The following SNAPC2 variants were observed in gnomAD, a reference collection of about 807,000 sequenced individuals.
SNAPC2 encodes the protein small nuclear RNA activating complex polypeptide 2, also known as snRNA-activating protein complex subunit 2.
In SNAPC2, 27 loss-of-function variants were observed where a neutral mutation model predicts 22.9. The ratio of observed to expected loss-of-function variants is 1.18; its 90% CI spans 0.87 to 1.63. The LOEUF (loss-of-function observed/expected upper bound fraction) is 1.63, where lower values mean the gene tolerates loss of function less well. Ranked by LOEUF, SNAPC2 falls within the 40% of genes most tolerant of loss-of-function variation. SNAPC2 has a pLI of 0.00. For synonymous variants in SNAPC2, 272 were observed against 201.0 expected, an observed-to-expected ratio of 1.35 and a Z score of -2.99; for missense variants, 570 against 449.1, an observed-to-expected ratio of 1.27 and a Z score of -2.43.
chr19:7,920,409 C>A lies in SNAPC2; in HGVS notation c.43C>A (p.Leu15Met). The A allele has an allele frequency of 6.3e-7, 1 of 1,582,984 alleles. No homozygotes were observed. Among genetic ancestry groups the A allele is most frequent in the African/African-American group, 1.4e-5 (1 of 72,326 alleles). The change falls in exon 1 of 5, where the codon CTG (leucine) becomes ATG (methionine). Residue 15 changes from leucine (L) to methionine (M), a missense_variant. By Grantham distance (15) the Leu-to-Met change is conservative. Transcript: ENST00000221573. ...GCGGCGAGCGGCCCCGGCGCGCTAT[C>A]TGGGCGAGGTGACCGGTCCCGCGAC... is the stretch of plus-strand genomic sequence containing the variant. Reference protein sequence around the residue: ...PRRRAAPARYLGEVTGPATWS... With the variant: ...PRRRAAPARYMGEVTGPATWS...
intron 3 of SNAPC2, 71 bp from the exon 4 acceptor site, chr19:7,921,964 G>C: frequency 1.4e-5 from 21 of 1,509,834 alleles, no homozygotes; most frequent in Non-Finnish European, 1.8e-5. Flanking sequence ...GTGGCAGGGA[G>C]GATGGGGGAA....
rs1475509488 is a variant in SNAPC2, at chr19:7,922,643, C to T, written c.884C>T (p.Ala295Val). The change falls in exon 5 of 5, where the codon GCC becomes GTC. Residue 295 changes from alanine to valine, a missense_variant. By Grantham distance (64) the Ala-to-Val change is moderately conservative. Transcript: ENST00000221573. ...GSKAPEETPP[A>V]TEKAEHSELK... Reference sequence around the variant, plus strand: ...AAGGCACCAGAGGAGACCCCCCCAGCCACCGAGAAGGCCGAGCACAGCGAA... The same window carrying T: ...AAGGCACCAGAGGAGACCCCCCCAGTCACCGAGAAGGCCGAGCACAGCGAA... 1 of 1,613,660 alleles carries T rather than the reference C, an allele frequency of 6.2e-7. No individual in the cohort carries two copies. Among genetic ancestry groups the T allele is most frequent in the Non-Finnish European group, 8.5e-7 (1 of 1,179,944 alleles).
rs752065654 is a variant in SNAPC2, at chr19:7,922,280, T to G, written c.618T>G (p.Phe206Leu). The G allele has an allele frequency of 1.2e-6, 2 of 1,613,960 alleles. No individual in the cohort carries two copies. Among genetic ancestry groups the G allele is most frequent in the Non-Finnish European group, 1.7e-6 (2 of 1,180,000 alleles). ...PSTEEDFAVD[F>L]EKIYKYLSSV... ...CTGAAGAAGACTTTGCTGTGGACTT[T>G]GAGAAGATCTACAAGTACTTGTCCT... The change falls in exon 4 of 5, where the codon TTT becomes TTG. Residue 206 changes from phenylalanine (F) to leucine (L), a missense_variant. Coordinates refer to ENST00000221573, the MANE Select transcript of SNAPC2 (RefSeq NM_003083.4).
At chr19:7,921,191 C>T (rs1041367697) in intron 1 of SNAPC2, 1 of 1,423,446 alleles carries the variant, frequency 7.0e-7, no homozygotes, top group Admixed American at 2.9e-5. Flanking sequence ...GGGTTGGGCC[C>T]TGGCTGCGTG....
At chr19:7,920,980 G>A in intron 1 of SNAPC2, 1 of 1,129,834 alleles carries the variant, frequency 8.9e-7, no homozygotes, top group South Asian at 2.4e-5. Flanking sequence ...CGGGATGAGG[G>A]CAAGCTTTAA....
chr19:7,921,519 G>C lies in SNAPC2; in HGVS notation c.280G>C (p.Ala94Pro). 6.2e-7 allele frequency: 1 copy of C among 1,613,356 alleles called. No individual in the cohort carries two copies. The highest frequency in any genetic ancestry group is 8.5e-7 in the Non-Finnish European group (1 of 1,179,670). Reference sequence around the variant, plus strand: ...CCTTCAGGGACCAAGGCGCCGGGAGGCACAGCCCCCAGCCCCCATAGAGGT... The same window carrying C: ...CCTTCAGGGACCAAGGCGCCGGGAGCCACAGCCCCCAGCCCCCATAGAGGT... ...GGLQGPRRRE[A>P]QPPAPIEVWT... The change falls in exon 2 of 5, where the codon GCA becomes CCA. Residue 94 changes from alanine (A) to proline (P), a missense_variant. Physicochemically the swap from Ala to Pro is conservative, Grantham distance 27. Coordinates refer to ENST00000221573, the MANE Select transcript of SNAPC2 (RefSeq NM_003083.4).
chr19:7,922,871 G>A lies in SNAPC2; in HGVS notation c.*107G>A, dbSNP rs1335724853. On this transcript the variant is annotated 3_prime_UTR_variant, in exon 5 of 5. Transcript: ENST00000221573. ...GATCCCGTCATGGGGGAAGGTCCTTGAGATGATGCTCAGCTGTGGGGCGGG... is the reference window on the plus strand; with the variant it reads ...GATCCCGTCATGGGGGAAGGTCCTTAAGATGATGCTCAGCTGTGGGGCGGG... 4.5e-6 allele frequency: 4 copies of A among 893,120 alleles called. No homozygotes were observed. The African/African-American group carries it at 6.7e-5, about 15-fold the overall frequency. 55.3% of individuals were successfully genotyped at this position (893,120 alleles called of 1,614,324 possible). A position where few individuals can be genotyped will look rare whatever the true frequency, so the allele number is the denominator to read the frequency against.
chr19:7,921,571 C>A, intron 2 of SNAPC2, 29 bp downstream of exon 2: 1 of 1,605,930 alleles, frequency 6.2e-7, no homozygotes, highest in Non-Finnish European at 8.5e-7. Context: ...GTGAGGCTGT[C>A]CAGGGCAGGT....
rs756394094 is a variant in SNAPC2, at chr19:7,922,097, G to A, written c.435G>A (p.Thr145=). ...TGCACTCCAAGCCCCCCAAGCCCAC[G>A]CAGGCCCGTGGAAAGCCTTTGCTCC... ...TLLHSKPPKP[T]QARGKPLLLS... Residue 145 remains threonine, a synonymous_variant, in exon 4 of 5, where the codon ACG becomes ACA. Transcript: ENST00000221573. 2 of 1,613,762 alleles carry A rather than the reference G, an allele frequency of 1.2e-6. No homozygotes were observed. Among genetic ancestry groups the A allele is most frequent in the Non-Finnish European group, 1.7e-6 (2 of 1,179,904 alleles).
In SNAPC2 at chr19:7,922,535, C is replaced by T. The variant is rs748125153; in HGVS notation, c.776C>T (p.Thr259Met). Residue 259 changes from threonine (T) to methionine (M), a missense_variant, in exon 5 of 5, where the codon ACG (threonine) becomes ATG (methionine). By Grantham distance (81) the Thr-to-Met change is moderately conservative. Transcript: ENST00000221573. ...GCCCTGGTTGAGCATATGACGGAGA[C>T]GTACCTACGCCTGACAGCCCCCCAG... ...CTALVEHMTE[T>M]YLRLTAPQPI... 17 of 1,612,808 alleles carry T rather than the reference C, an allele frequency of 1.1e-5. No individual in the cohort carries two copies. In the Middle Eastern group the frequency reaches 6.6e-4, roughly 62 times the overall value.
rs201163769 is a variant in SNAPC2 at position 7,922,606 on chromosome 19, G to T, written c.847G>T (p.Gly283Trp). The T allele has an allele frequency of 6.2e-7, 1 of 1,613,662 alleles. No homozygotes were observed. The highest frequency in any genetic ancestry group is 2.2e-5 in the East Asian group (1 of 44,866). ...GSLGPAAEGD[G>W]AGSKAPEETP... ...CCTGGGGCCTGCAGCAGAAGGGGAT[G>T]GGGCTGGCTCCAAGGCACCAGAGGA... is the stretch of plus-strand genomic sequence containing the variant. Residue 283 changes from glycine to tryptophan, a missense_variant, in exon 5 of 5, where the codon GGG becomes TGG. Physicochemically the swap from Gly to Trp is radical, Grantham distance 184. Coordinates refer to ENST00000221573, the MANE Select transcript of SNAPC2 (RefSeq NM_003083.4).
At chr19:7,921,267 A>T in intron 1 of SNAPC2, 156 bp from the exon 2 acceptor site, 1 of 1,433,608 alleles carries the variant, frequency 7.0e-7, no homozygotes, top group Non-Finnish European at 9.4e-7. Context: ...TGGGTGGGGT[A>T]GGGGCCTTGG....
At position 7,923,096 on chromosome 19, in the gene SNAPC2, G is replaced by C. The variant is rs1046094111; in HGVS notation, c.*332G>C. ...ATAGCTGGCACTGCCCACCGTAAAG[G>C]CCCTCGCACATTTTCCCCCTTCCTG... On this transcript the variant is annotated 3_prime_UTR_variant, in exon 5 of 5. Coordinates refer to ENST00000221573, the MANE Select transcript of SNAPC2 (RefSeq NM_003083.4). The C allele has an allele frequency of 9.7e-6, 3 of 308,810 alleles. No individual in the cohort carries two copies. Among genetic ancestry groups the C allele is most frequent in the Non-Finnish European group, 1.2e-5 (2 of 167,790 alleles). The allele number at this position is 308,810 out of a possible 1,614,324, so 19.1% of individuals were successfully genotyped here.
chr19:7,922,148 C>T lies in SNAPC2; in HGVS notation c.486C>T (p.Asp162=). ...TGAGCGCCCCTGGAGGACAGGAAGA[C>T]CCCGCCCCTGAAATACCTAGCTCTG... The part of the protein sequence containing the change: ...LLLSAPGGQE[D]PAPEIPSSAP... Residue 162 remains aspartate, a synonymous_variant, in exon 4 of 5, where the codon GAC becomes GAT. Transcript: ENST00000221573. The T allele has an allele frequency of 1.9e-6, 3 of 1,614,064 alleles. No homozygotes were observed. The highest frequency in any genetic ancestry group is 2.5e-6 in the Non-Finnish European group (3 of 1,180,004).
chr19:7,922,040 C>T lies in SNAPC2; in HGVS notation c.378C>T (p.Leu126=), dbSNP rs748410916. 5.0e-6 allele frequency: 8 copies of T among 1,606,472 alleles called. No individual in the cohort carries two copies. The highest frequency in any genetic ancestry group is 1.7e-5 in the Admixed American group (1 of 59,484). Residue 126 remains leucine, a synonymous_variant, in exon 4 of 5, where the codon CTC becomes CTT. Coordinates refer to ENST00000221573, the MANE Select transcript of SNAPC2 (RefSeq NM_003083.4). ...CTGATTGTTCTGCCTGCCAGGTGCT[C>T]ACCATCGCGGCCACGGAACCGGTCA... ...EALAVAFSQV[L]TIAATEPVTL... is the part of the protein sequence containing the mutation.
rs775336631 is a variant in SNAPC2, at chr19:7,921,414, C to G, written c.184-9C>G. 3 of 1,613,706 alleles carry G rather than the reference C, an allele frequency of 1.9e-6. No individual in the cohort carries two copies. The highest frequency in any genetic ancestry group is 1.3e-5 in the African/African-American group (1 of 74,912). On this transcript the variant is annotated splice_polypyrimidine_tract_variant and intron_variant, in intron 1 of 4. Coordinates refer to ENST00000221573, the MANE Select transcript of SNAPC2 (RefSeq NM_003083.4). Reference sequence around the variant, plus strand: ...AGAAGCCTCATTCCGCCGCCTCTTTCCTTTCTAGATCCGGGTCTTCCTCCA... The same window carrying G: ...AGAAGCCTCATTCCGCCGCCTCTTTGCTTTCTAGATCCGGGTCTTCCTCCA...
chr19:7,921,867 G>A, intron 3 of SNAPC2, 94 bp downstream of exon 3: 2 of 1,449,504 alleles, frequency 1.4e-6, no homozygotes, highest in Middle Eastern at 2.0e-4. Context: ...CCTTTTGCCA[G>A]CTCTGTGGAC....
chr19:7,920,405 C>T lies in SNAPC2; in HGVS notation c.39C>T (p.Arg13=). The change falls in exon 1 of 5, where the codon CGC becomes CGT. Residue 13 remains arginine (R), a synonymous_variant. Transcript: ENST00000221573. ...CCAGGCGGCGAGCGGCCCCGGCGCG[C>T]TATCTGGGCGAGGTGACCGGTCCCG... is the stretch of plus-strand genomic sequence containing the variant. ...PPPRRRAAPA[R]YLGEVTGPAT... The T allele has an allele frequency of 6.3e-7, 1 of 1,582,578 alleles. No individual in the cohort carries two copies. Among genetic ancestry groups the T allele is most frequent in the Non-Finnish European group, 8.5e-7 (1 of 1,172,250 alleles).
In SNAPC2 at chr19:7,920,530, G is replaced by T; in HGVS notation, c.164G>T (p.Arg55Leu). 7.0e-7 allele frequency: 1 copy of T among 1,438,202 alleles called. No individual in the cohort carries two copies. Among genetic ancestry groups the T allele is most frequent in the South Asian group, 1.4e-5 (1 of 71,912 alleles). The allele number at this position is 1,438,202 out of a possible 1,614,324, so 89.1% of individuals were successfully genotyped here. Residue 55 changes from arginine to leucine, a missense_variant, in exon 1 of 5, where the codon CGG (arginine) becomes CTG (leucine). Physicochemically the swap from Arg to Leu is moderately radical, Grantham distance 102. Transcript: ENST00000221573. ...GCCACCGAGCTGGCCCGGGAGCTGC[G>T]GGGCCGGAGCGAGGCTGAGGTGAGA... ...PDATELAREL[R>L]GRSEAEIRVF...
Sources: gnomAD v4.1 joint callset for allele counts on GRCh38, gnomAD v4.1.1 for gene constraint, MANE v1.5 for transcripts, NCBI Gene and HGNC (gene_info 2026-07-23, HGNC 2026-07-21) for gene names.